Variants in SYCE2 observed in about 807,000 individuals in gnomAD.
SYCE2 encodes the protein synaptonemal complex central element protein 2.
SYCE2 carries 3 observed loss-of-function variants against 27.9 expected under a neutral mutation model. The observed-to-expected ratio is 0.11, with a 90% CI of 0.05 to 0.28. The LOEUF is 0.28. Ranked by LOEUF, SYCE2 falls within the 10% of genes least tolerant of loss-of-function variation. The probability of loss-of-function intolerance (pLI) is 1.00; values close to 1 mark genes in which losing one functional copy is unlikely to be tolerated. For missense variants in SYCE2, 207 were observed against 263.5 expected (o/e 0.79, Z 1.48); for synonymous variants, 85 against 100.7 (o/e 0.84, Z 0.93).
chr19:12,905,338 T>C lies in SYCE2; in HGVS notation c.132-672A>G, dbSNP rs1970915107. On this transcript the variant is annotated intron_variant, in intron 2 of 5. Coordinates refer to ENST00000293695, the MANE Select transcript of SYCE2 (RefSeq NM_001105578.2). Reference sequence around the variant, plus strand: ...CCAATAATAGTGTCAATGCTTTCTTTCTTTTTTTTTTGAGACGGAGTCTCA... The same window carrying C: ...CCAATAATAGTGTCAATGCTTTCTTCCTTTTTTTTTTGAGACGGAGTCTCA... Among the ~76,000 whole-genome samples the C allele has an allele frequency of 2.0e-5, 3 of 152,050 alleles. No homozygotes were observed. In the South Asian group the frequency reaches 6.3e-4, roughly 32 times the overall value.
intron 2 of SYCE2, among the ~76,000 whole-genome samples, chr19:12,905,081 G>C (rs919031657): frequency 1.3e-5 from 2 of 152,008 alleles, no homozygotes; most frequent in Non-Finnish European, 2.9e-5. Context: ...GATCAGGTGG[G>C]AGGGGACCCG....
chr19:12,908,749 T>C (rs1599635799), intron 2 of SYCE2, among the ~76,000 whole-genome samples: 1 of 152,268 alleles, frequency 6.6e-6, no homozygotes, highest in Non-Finnish European at 1.5e-5. Context: ...CCGATAGACA[T>C]CTCAGAGTGA....
chr19:12,916,083 T>C (rs76497716), intron 2 of SYCE2, among the ~76,000 whole-genome samples: 7 of 148,958 alleles, frequency 4.7e-5, no homozygotes, highest in South Asian at 2.1e-4. Flanking sequence ...TTTTTTTTTT[T>C]CCTCGAGACA....
chr19:12,911,615 C>CTT (rs71168633), intron 2 of SYCE2, among the ~76,000 whole-genome samples: 1,382 of 103,734 alleles, frequency 0.013, 68 homozygotes, highest in African/African-American at 0.041. Flanking sequence ...TAATTTTTGC[C>CTT]TTTTTTTTTT....
At chr19:12,899,493 C>G (rs1336423127) in intron 5 of SYCE2, 108 bp from the exon 6 acceptor site, 1 of 1,614,182 alleles carries the variant, frequency 6.2e-7, no homozygotes, top group East Asian at 2.2e-5. Context: ...ACGCCCTGAT[C>G]CTTGGGAGAG....
At chr19:12,908,705 C>T (rs1316644141) in intron 2 of SYCE2, among the ~76,000 whole-genome samples, 1 of 152,146 alleles carries the variant, frequency 6.6e-6, no homozygotes. Context: ...AATGAAACAG[C>T]TCCTACCACA....
chr19:12,919,281 T>G lies in SYCE2; in HGVS notation c.-24A>C, dbSNP rs377038584. On this transcript the variant is annotated 5_prime_UTR_variant, in exon 1 of 6. Coordinates refer to ENST00000293695, the MANE Select transcript of SYCE2 (RefSeq NM_001105578.2). ...ATTCCGTATTTTCCCGCCTTCAAGC[T>G]CGCACCCTCTGCGCATGCGCCGACC... is the stretch of plus-strand genomic sequence containing the variant. The G allele has an allele frequency of 3.3e-5, 53 of 1,609,188 alleles. No individual in the cohort carries two copies. Among genetic ancestry groups the G allele is most frequent in the African/African-American group, 2.7e-4 (20 of 75,064 alleles).
intron 2 of SYCE2, among the ~76,000 whole-genome samples, chr19:12,916,066 CTTT>C (rs35687682): frequency 2.2e-5 from 3 of 137,720 alleles, no homozygotes; most frequent in Non-Finnish European, 3.2e-5. Flanking sequence ...CCATATCAGC[CTTT>C]TTTTTTTTTT....
chr19:12,900,583 G>A lies in SYCE2; in HGVS notation c.372C>T (p.Ile124=), dbSNP rs756282951. 1.4e-5 allele frequency: 22 copies of A among 1,614,040 alleles called. No homozygotes were observed. The highest frequency in any genetic ancestry group is 9.3e-6 in the Non-Finnish European group (11 of 1,180,040). The change falls in exon 4 of 6, where the codon ATC becomes ATT. Residue 124 remains isoleucine (I), a synonymous_variant. Coordinates refer to ENST00000293695, the MANE Select transcript of SYCE2 (RefSeq NM_001105578.2). The part of the protein sequence containing the change: ...IYQIYNDHNK[I]IQEKLQEFTQ... The stretch of plus-strand genomic sequence containing the variant: ...TGAACTCTTGGAGCTTTTCCTGGAT[G>A]ATCTTGTTGTGGTCATTATAAATCT...
chr19:12,906,352 G>A (rs1194867409), intron 2 of SYCE2: 1 of 152,190 alleles, frequency 6.6e-6, no homozygotes, highest in African/African-American at 2.4e-5. Context: ...GTCCCATGTT[G>A]TACATGTAAC....
chr19:12,905,003 A>G (rs1970906604), intron 2 of SYCE2, among the ~76,000 whole-genome samples: 1 of 131,480 alleles, frequency 7.6e-6, no homozygotes, highest in Admixed American at 7.4e-5. Context: ...GACTCCGTCT[A>G]AAAAAAAAAA....
At chr19:12,904,409 G>A (rs1255948946) in intron 3 of SYCE2, 83 bp downstream of exon 3, 2 of 1,539,418 alleles carry the variant, frequency 1.3e-6, no homozygotes, top group African/African-American at 1.4e-5. Flanking sequence ...CACCGTGCCT[G>A]GTGTACAACA....
intron 2 of SYCE2, among the ~76,000 whole-genome samples, chr19:12,912,216 G>T (rs1235767502): frequency 6.6e-6 from 1 of 151,804 alleles, no homozygotes; most frequent in Non-Finnish European, 1.5e-5. Flanking sequence ...GATTACAGGC[G>T]TGAGCCACCA....
At chr19:12,914,517 C>A (rs1371673327) in intron 2 of SYCE2, among the ~76,000 whole-genome samples, 1 of 150,794 alleles carries the variant, frequency 6.6e-6, no homozygotes, top group East Asian at 1.9e-4. Context: ...CTAAAGGCCA[C>A]CCCCCCCACA....
rs774316592 is a variant in SYCE2, at chr19:12,918,219, C to T, written c.131+3G>A. On this transcript the variant is annotated splice_donor_region_variant and intron_variant, in intron 2 of 5. Coordinates refer to ENST00000293695, the MANE Select transcript of SYCE2 (RefSeq NM_001105578.2). The stretch of plus-strand genomic sequence containing the variant: ...AGACCCATAGGGCTGGGATCTTCCT[C>T]ACCTAGCTGGCCCTCCACCAGCTTC... The T allele has an allele frequency of 1.2e-5, 19 of 1,613,526 alleles. 1 individual carries two copies. The South Asian group carries it at 2.1e-4, about 18-fold the overall frequency.
intron 3 of SYCE2, 82 bp downstream of exon 3, chr19:12,904,410 G>T: frequency 6.5e-7 from 1 of 1,545,834 alleles, no homozygotes; most frequent in Non-Finnish European, 8.9e-7. Flanking sequence ...ACCGTGCCTG[G>T]TGTACAACAG....
At chr19:12,915,396 T>C (rs1037416236) in intron 2 of SYCE2, among the ~76,000 whole-genome samples, 1 of 151,966 alleles carries the variant, frequency 6.6e-6, no homozygotes, top group African/African-American at 2.4e-5. Flanking sequence ...GTCAGGAGAT[T>C]GAGACCATCC....
intron 1 of SYCE2, 150 bp downstream of exon 1, chr19:12,919,093 A>C: frequency 9.8e-7 from 1 of 1,023,826 alleles, no homozygotes; most frequent in East Asian, 2.4e-5. Context: ...GTCAGTCAGG[A>C]AATTTGAGGC....
chr19:12,899,458 T>C lies in SYCE2; in HGVS notation c.613-73A>G. ...AAACTCCAAACCGACTCTGTATTAA[T>C]CTTGTCCAGGTACACATGACATTCA... On this transcript the variant is annotated intron_variant, in intron 5 of 5. Coordinates refer to ENST00000293695, the MANE Select transcript of SYCE2 (RefSeq NM_001105578.2). 1 of 1,614,166 alleles carries C rather than the reference T, an allele frequency of 6.2e-7. No homozygotes were observed. Among genetic ancestry groups the C allele is most frequent in the Non-Finnish European group, 8.5e-7 (1 of 1,180,018 alleles).
Sources: gnomAD v4.1 joint callset for allele counts (sites outside exome capture counted in the v4.1 genomes callset) on GRCh38, gnomAD v4.1.1 for gene constraint, MANE v1.5 for transcripts, NCBI Gene and HGNC (gene_info 2026-07-23, HGNC 2026-07-21) for gene names.